The following ANO4 variants were observed in gnomAD, a reference collection of about 807,000 sequenced individuals.
ANO4 encodes anoctamin-4.
A neutral mutation model predicts 141.9 loss-of-function variants in ANO4; 69 were observed. The observed-to-expected ratio is 0.49, with a 90% CI of 0.40 to 0.59. The LOEUF (loss-of-function observed/expected upper bound fraction) is 0.59, where lower values mean the gene tolerates loss of function less well. Ranked by LOEUF, ANO4 falls within the 20% of genes least tolerant of loss-of-function variation. The pLI, the probability that ANO4 is intolerant of heterozygous loss-of-function variation, is 0.00. For missense variants in ANO4, 894 were observed against 1,162.2 expected (o/e 0.77, Z 3.36); for synonymous variants, 350 against 394.3 (o/e 0.89, Z 1.33).
intron 1 of ANO4, among the ~76,000 whole-genome samples, chr12:100,823,399 T>G (rs2036159421): frequency 6.6e-6 from 1 of 152,024 alleles, no homozygotes; most frequent in African/African-American, 2.4e-5. Context: ...CACTTACAGG[T>G]GGAAGGCCAC....
At chr12:100,749,028 G>T (rs1331994632) in intron 3 of ANO4, among the ~76,000 whole-genome samples, 2 of 152,152 alleles carry the variant, frequency 1.3e-5, no homozygotes, top group Admixed American at 1.3e-4. Context: ...GGTTTCCTAA[G>T]ATGCTGGCTG....
At chr12:100,858,359 A>G (rs1450072405) in intron 1 of ANO4, among the ~76,000 whole-genome samples, 1 of 152,066 alleles carries the variant, frequency 6.6e-6, no homozygotes, top group East Asian at 1.9e-4. Context: ...TAAAAATATG[A>G]TATTATAATT....
intron 17 of ANO4, among the ~76,000 whole-genome samples, chr12:101,091,868 T>G (rs2049791330): frequency 6.6e-6 from 1 of 152,188 alleles, no homozygotes; most frequent in South Asian, 2.1e-4. Context: ...ACTTTAAAAT[T>G]TATATTATTT....
intron 8 of ANO4, among the ~76,000 whole-genome samples, chr12:101,016,212 A>G (rs1297005278): frequency 1.3e-5 from 2 of 152,200 alleles, no homozygotes; most frequent in Non-Finnish European, 2.9e-5. Context: ...CCACAGTTAT[A>G]TAAACCTGTA....
At chr12:100,833,046 T>C (rs1009617705) in intron 1 of ANO4, among the ~76,000 whole-genome samples, 2 of 152,126 alleles carry the variant, frequency 1.3e-5, no homozygotes, top group Non-Finnish European at 1.5e-5. Context: ...TTTAAAATGC[T>C]CTGTAGCTTA....
chr12:101,101,617 A>G (rs1263809836), intron 22 of ANO4, among the ~76,000 whole-genome samples: 5 of 151,778 alleles, frequency 3.3e-5, no homozygotes. Flanking sequence ...ACTCCTGAGC[A>G]CTCTAAATAA....
chr12:101,032,726 A>G (rs1593071781), intron 9 of ANO4, among the ~76,000 whole-genome samples: 1 of 151,770 alleles, frequency 6.6e-6, no homozygotes, highest in South Asian at 2.1e-4. Flanking sequence ...AATGCTCACC[A>G]TCACTGGCCA....
chr12:100,987,403 C>A, intron 7 of ANO4, 136 bp from the exon 8 acceptor site: 1 of 1,103,088 alleles, frequency 9.1e-7, no homozygotes, highest in Non-Finnish European at 1.3e-6. Context: ...ATCTATAAAA[C>A]AAGGATATCC....
chr12:100,886,411 C>T (rs2039832230), intron 1 of ANO4, among the ~76,000 whole-genome samples: 1 of 152,138 alleles, frequency 6.6e-6, no homozygotes, highest in South Asian at 2.1e-4. Context: ...AGTCACTGCT[C>T]ACGCATCTTA....
intron 1 of ANO4, chr12:100,842,061 A>AACCCCC (rs1565926522): frequency 1.9e-5 from 1 of 51,284 alleles, no homozygotes; most frequent in Non-Finnish European, 3.8e-5. Flanking sequence ...GTAAATATCC[A>AACCCCC]CCCCCCCCCC....
At chr12:100,740,593 C>A (rs2031819910) in intron 3 of ANO4, among the ~76,000 whole-genome samples, 1 of 152,076 alleles carries the variant, frequency 6.6e-6, no homozygotes, top group Admixed American at 6.6e-5. Context: ...TCAAAAAAGT[C>A]ATCAAAAAGT....
intron 17 of ANO4, among the ~76,000 whole-genome samples, chr12:101,089,381 G>A (rs949219506): frequency 6.6e-6 from 1 of 152,042 alleles, no homozygotes; most frequent in African/African-American, 2.4e-5. Context: ...GGCAGTTGCT[G>A]ATCATTTTGA....
intron 3 of ANO4, among the ~76,000 whole-genome samples, chr12:100,770,462 T>G (rs570547016): frequency 3.3e-5 from 5 of 152,326 alleles, no homozygotes; most frequent in Non-Finnish European, 7.3e-5. Context: ...TCCTAAACCA[T>G]CCATAGCCTT....
At chr12:101,115,931 C>T (rs944833231) in intron 24 of ANO4, among the ~76,000 whole-genome samples, 4 of 152,178 alleles carry the variant, frequency 2.6e-5, no homozygotes, top group Non-Finnish European at 4.4e-5. Flanking sequence ...GATACCTGCT[C>T]TGCTCCCAAA....
At chr12:100,748,957 T>C (rs2032237941) in intron 3 of ANO4, among the ~76,000 whole-genome samples, 1 of 152,196 alleles carries the variant, frequency 6.6e-6, no homozygotes, top group African/African-American at 2.4e-5. Context: ...AGGGTTAACT[T>C]ACTTAAGTTA....
At chr12:100,724,991 A>G (rs923151539) in intron 1 of ANO4, among the ~76,000 whole-genome samples, 1 of 152,236 alleles carries the variant, frequency 6.6e-6, no homozygotes, top group Admixed American at 6.5e-5. Flanking sequence ...AGATGCAGTA[A>G]GTAGTTATAA....
At chr12:100,804,182 A>G (rs1009456335) in intron 1 of ANO4, among the ~76,000 whole-genome samples, 9 of 152,116 alleles carry the variant, frequency 5.9e-5, no homozygotes, top group African/African-American at 2.2e-4. Flanking sequence ...GCTCCCACTT[A>G]TAAGTGAGAA....
At chr12:100,812,039 TAC>T (rs4015879) in intron 1 of ANO4, among the ~76,000 whole-genome samples, 98,809 of 151,470 alleles carry the variant, frequency 0.65, 33,159 homozygotes, top group African/African-American at 0.82. Flanking sequence ...CATATATGTG[TAC>T]ACACACACAC....
intron 1 of ANO4, among the ~76,000 whole-genome samples, chr12:100,818,752 C>T (rs1307636131): frequency 2.6e-5 from 4 of 151,800 alleles, no homozygotes; most frequent in Non-Finnish European, 5.9e-5. Context: ...GTGATTTTGC[C>T]TCCCAGAGAA....
Sources: allele counts gnomAD v4.1 joint callset (sites outside exome capture counted in the v4.1 genomes callset), GRCh38; gene constraint gnomAD v4.1.1; transcripts MANE v1.5; gene names NCBI Gene and HGNC (gene_info 2026-07-23, HGNC 2026-07-21).